The following HIBCH variants were observed in gnomAD, a reference collection of about 807,000 sequenced individuals.
HIBCH encodes 3-hydroxyisobutyryl-CoA hydrolase, mitochondrial.
Under a neutral mutation model 58.2 loss-of-function variants are expected in HIBCH, and 50 were observed. The ratio of observed to expected loss-of-function variants is 0.86; its 90% CI spans 0.68 to 1.09. HIBCH has a LOEUF of 1.09. Among genes scored for constraint, HIBCH ranks in the 50% least tolerant of loss-of-function variants. The pLI, the probability that HIBCH is intolerant of heterozygous loss-of-function variation, is 0.00. For missense variants in HIBCH, 450 were observed against 449.7 expected (o/e 1.00, Z -0.01); for synonymous variants, 151 against 146.9 (o/e 1.03, Z -0.20).
intron 6 of HIBCH, among the ~76,000 whole-genome samples, chr2:190,271,853 C>T (rs543109335): frequency 1.3e-5 from 2 of 152,238 alleles, no homozygotes; most frequent in East Asian, 1.9e-4. Context: ...CAGAATTTAA[C>T]CCCTATCTCC....
intron 2 of HIBCH, among the ~76,000 whole-genome samples, chr2:190,302,687 A>C (rs1255101597): frequency 1.3e-5 from 2 of 152,032 alleles, no homozygotes; most frequent in African/African-American, 2.4e-5. Context: ...CCAAGCTCTC[A>C]TTCCATCTTG....
chr2:190,251,590 C>T (rs1686771590), intron 8 of HIBCH: 2 of 434,020 alleles, frequency 4.6e-6, no homozygotes, highest in South Asian at 1.7e-5. Context: ...GCAAAAGAGG[C>T]TAAGTTCCAA....
intron 11 of HIBCH, among the ~76,000 whole-genome samples, chr2:190,226,740 CA>C (rs1685912566): frequency 6.6e-6 from 1 of 151,774 alleles, no homozygotes; most frequent in South Asian, 2.1e-4. Context: ...TCTCCGGATA[CA>C]AAAATCAATG....
At chr2:190,300,293 C>T (rs888525144) in intron 2 of HIBCH, among the ~76,000 whole-genome samples, 1 of 152,266 alleles carries the variant, frequency 6.6e-6, no homozygotes, top group South Asian at 2.1e-4. Flanking sequence ...AGTGTATACA[C>T]GTTCCCTTTT....
Position 190,207,534 on chromosome 2 carries a change from T to G in HIBCH, c.1045+1346A>C, listed in dbSNP as rs559017579. Among the ~76,000 whole-genome samples the G allele has an allele frequency of 6.6e-5, 10 of 152,320 alleles. No homozygotes were observed. Among genetic ancestry groups the G allele is most frequent in the Admixed American group, 1.3e-4 (2 of 15,294 alleles). On this transcript the variant is annotated intron_variant, in intron 13 of 13. Coordinates refer to ENST00000359678, the MANE Select transcript of HIBCH (RefSeq NM_014362.4). The surrounding 1 kb of genome is among the most constrained non-coding windows in gnomAD (Gnocchi z 4.5). ...AGAGAACTCTATGAAGAGTGATTGT[T>G]TATCAAAGCTTAAGAGCTGAGAGAA...
intron 9 of HIBCH, among the ~76,000 whole-genome samples, chr2:190,248,899 A>G (rs563747681): frequency 6.6e-6 from 1 of 151,900 alleles, no homozygotes; most frequent in African/African-American, 2.4e-5. Flanking sequence ...CTTATAATAA[A>G]TCCTCCTGTT....
At chr2:190,294,781 G>A (rs911746312) in intron 3 of HIBCH, 151 bp from the exon 4 acceptor site, 58 of 665,780 alleles carry the variant, frequency 8.7e-5, no homozygotes, top group African/African-American at 8.4e-4. Context: ...CCAGAAGAAC[G>A]AATCTCATCC....
intron 11 of HIBCH, among the ~76,000 whole-genome samples, chr2:190,232,601 G>C (rs1426222670): frequency 6.6e-6 from 1 of 152,198 alleles, no homozygotes; most frequent in Non-Finnish European, 1.5e-5. Context: ...TTTGCTACAA[G>C]AGTACAACTA....
chr2:190,267,932 C>G (rs542417765), intron 6 of HIBCH, among the ~76,000 whole-genome samples: 1 of 152,296 alleles, frequency 6.6e-6, no homozygotes, highest in South Asian at 2.1e-4. Flanking sequence ...CTGAGATGAT[C>G]TGGGACTGCT....
At chr2:190,194,671 T>A (rs147181285) in intron 1 of HIBCH, among the ~76,000 whole-genome samples, 7 of 152,324 alleles carry the variant, frequency 4.6e-5, no homozygotes, top group African/African-American at 1.4e-4. Context: ...CCTTAAAAAT[T>A]GTCTGTTCCA....
chr2:190,200,300 T>TGCATTTTAAGTACTTCTATGTTAAC (rs1690190146), downstream of HIBCH: 3 of 675,994 alleles, frequency 4.4e-6, no homozygotes, highest in African/African-American at 5.5e-5. Context: ...TAGGATGAAA[T>TGCATTTTAAGTACTTCTATGTTAAC]GCATTTTAAG....
Position 190,236,326 on chromosome 2 carries a change from T to C in HIBCH, c.891+8561A>G, listed in dbSNP as rs1686272924. On this transcript the variant is annotated intron_variant, in intron 11 of 13. Transcript: ENST00000359678. This position sits in a 1 kb window ranked among gnomAD's most constrained non-coding sequence, Gnocchi z 4.1. ...ATAATAAGTCACATCATCTGTTATA[T>C]TGAAACCAAGTGACAAAAGCTCTAT... 6.6e-6 allele frequency among the ~76,000 whole-genome samples: 1 copy of C among 151,914 alleles called. No individual in the cohort carries two copies. Among genetic ancestry groups the C allele is most frequent in the African/African-American group, 2.4e-5 (1 of 41,270 alleles).
intron 4 of HIBCH, among the ~76,000 whole-genome samples, chr2:190,291,333 G>T (rs745832442): frequency 2.0e-5 from 3 of 152,172 alleles, no homozygotes; most frequent in Non-Finnish European, 2.9e-5. Flanking sequence ...TGTCCTGTAA[G>T]GATTGGGGTG....
chr2:190,265,122 C>CAAAA lies in HIBCH; in HGVS notation c.439-3892_439-3889dup, dbSNP rs1167140474. Among the ~76,000 whole-genome samples, 63 of 56,280 alleles carry CAAAA rather than the reference C, an allele frequency of 1.1e-3. 11 individuals are homozygous for CAAAA. Among genetic ancestry groups the CAAAA allele is most frequent in the African/African-American group, 4.1e-3 (55 of 13,568 alleles). The allele number at this position is 56,280 out of a possible 152,430, so 36.9% of individuals were successfully genotyped here. On this transcript the variant is annotated intron_variant, in intron 6 of 13. Coordinates refer to ENST00000359678, the MANE Select transcript of HIBCH (RefSeq NM_014362.4). ...TGGAGGACAGAGCAAGACTCCGTCT[C>CAAAA]AAAAAAAAAAAAAAAAAAAAAAAAA...
chr2:190,313,521 C>T (rs904747692), intron 1 of HIBCH, among the ~76,000 whole-genome samples: 1 of 151,978 alleles, frequency 6.6e-6, no homozygotes, highest in Non-Finnish European at 1.5e-5. Context: ...CTTTTGCCTC[C>T]GTGCTGACTT....
chr2:190,290,287 G>T, intron 5 of HIBCH, 118 bp downstream of exon 5: 1 of 733,732 alleles, frequency 1.4e-6, no homozygotes. Context: ...ACTTATGCCT[G>T]GCACATGGTA....
intron 11 of HIBCH, among the ~76,000 whole-genome samples, chr2:190,235,508 T>C (rs1417136777): frequency 1.3e-5 from 2 of 152,230 alleles, no homozygotes; most frequent in Non-Finnish European, 2.9e-5. Flanking sequence ...ATGATTTCTG[T>C]ATTTTTCTGT....
At chr2:190,224,098 G>A (rs1559018639) in intron 11 of HIBCH, among the ~76,000 whole-genome samples, 1 of 152,208 alleles carries the variant, frequency 6.6e-6, no homozygotes. Flanking sequence ...CGGCACACCA[G>A]GAGATTATAT....
intron 1 of HIBCH, among the ~76,000 whole-genome samples, chr2:190,193,049 A>G (rs1360143681): frequency 6.6e-6 from 1 of 152,142 alleles, no homozygotes; most frequent in Non-Finnish European, 1.5e-5. Context: ...TCAAACAGAA[A>G]TCATGAGAAT....
Sources: allele counts gnomAD v4.1 joint callset (sites outside exome capture counted in the v4.1 genomes callset), GRCh38; gene constraint gnomAD v4.1.1; non-coding constraint Gnocchi (gnomAD v3.1); transcripts MANE v1.5; gene names NCBI Gene and HGNC (gene_info 2026-07-23, HGNC 2026-07-21).